RERE: variants seen among roughly 807,000 people sequenced by gnomAD.
RERE encodes the protein arginine-glutamic acid dipeptide repeats.
A neutral mutation model predicts 146.1 loss-of-function variants in RERE; 40 were observed. The ratio of observed to expected loss-of-function variants is 0.27; its 90% CI spans 0.21 to 0.36. The LOEUF (loss-of-function observed/expected upper bound fraction) is 0.36. Among genes scored for constraint, RERE ranks in the 10% least tolerant of loss-of-function variants. The probability of loss-of-function intolerance (pLI) is 1.00; values close to 1 mark genes in which losing one functional copy is unlikely to be tolerated. For synonymous variants in RERE, 1,003 were observed against 866.0 expected, an observed-to-expected ratio of 1.16 and a Z score of -2.78; for missense variants, 1,933 against 2,138.7, an observed-to-expected ratio of 0.90 and a Z score of 1.90.
At chr1:8,635,613 G>A (rs1305106743) in intron 2 of RERE, among the ~76,000 whole-genome samples, 5 of 152,082 alleles carry the variant, frequency 3.3e-5, no homozygotes, top group African/African-American at 9.7e-5. Flanking sequence ...GAAAAATTAC[G>A]TTTTGAACAT....
intron 1 of RERE, among the ~76,000 whole-genome samples, chr1:8,713,652 T>G (rs1200676931): frequency 6.6e-6 from 1 of 152,038 alleles, no homozygotes; most frequent in Non-Finnish European, 1.5e-5. Flanking sequence ...AAGAACCACT[T>G]GAACCCGGGA....
At chr1:8,563,697 A>C (rs976535637) in intron 4 of RERE, among the ~76,000 whole-genome samples, 1 of 152,216 alleles carries the variant, frequency 6.6e-6, no homozygotes, top group Non-Finnish European at 1.5e-5. Flanking sequence ...GGGGCTCTTG[A>C]TTCAGAACCA....
chr1:8,622,505 A>AC (rs1646928499), intron 3 of RERE, among the ~76,000 whole-genome samples: 2 of 137,932 alleles, frequency 1.4e-5, no homozygotes, highest in South Asian at 2.3e-4. Context: ...AAAAAAAAAA[A>AC]AAAAAACACA....
intron 11 of RERE, among the ~76,000 whole-genome samples, chr1:8,431,357 C>CT (rs1441256593): frequency 6.6e-6 from 1 of 152,210 alleles, no homozygotes; most frequent in African/African-American, 2.4e-5. Flanking sequence ...TTGCGTGCTT[C>CT]TTTTGAGAAT....
At position 8,423,618 on chromosome 1, in the gene RERE, C is replaced by T. The variant is rs1643949527; in HGVS notation, c.1204-811G>A. 2.0e-6 allele frequency: 2 copies of T among 985,180 alleles called. No individual in the cohort carries two copies. The highest frequency in any genetic ancestry group is 2.4e-6 in the Non-Finnish European group (2 of 829,870). 61.0% of individuals were successfully genotyped at this position (985,180 alleles called of 1,614,324 possible). ...ACCCCAGCAGCCACAGGTAAGCGCC[C>T]GGGGTCCGGGGCGGCAAGAGGCCGT... is the stretch of plus-strand genomic sequence containing the variant. On this transcript the variant is annotated intron_variant, in intron 11 of 22. Transcript: ENST00000400908. This position sits in a 1 kb window ranked among gnomAD's most constrained non-coding sequence, Gnocchi z 5.4.
At chr1:8,697,261 A>C (rs1283110653) in intron 1 of RERE, among the ~76,000 whole-genome samples, 1 of 152,240 alleles carries the variant, frequency 6.6e-6, no homozygotes, top group Admixed American at 6.5e-5. Context: ...TAACAGTAAG[A>C]AATAAACAGC....
At chr1:8,779,067 G>A (rs1266639260) in intron 1 of RERE, among the ~76,000 whole-genome samples, 4 of 150,650 alleles carry the variant, frequency 2.7e-5, no homozygotes, top group East Asian at 4.1e-4. Flanking sequence ...GGCTGGTCTC[G>A]AACTCCTGAC....
At chr1:8,707,814 G>A (rs942789985) in intron 1 of RERE, among the ~76,000 whole-genome samples, 1 of 152,158 alleles carries the variant, frequency 6.6e-6, no homozygotes, top group Non-Finnish European at 1.5e-5. Flanking sequence ...TTGTAACACA[G>A]TACTCCACTT....
intron 1 of RERE, among the ~76,000 whole-genome samples, chr1:8,681,709 T>C (rs1402073624): frequency 6.6e-6 from 1 of 152,152 alleles, no homozygotes; most frequent in Non-Finnish European, 1.5e-5. Flanking sequence ...TTATCTATAA[T>C]ACTAGAGATC....
intron 1 of RERE, among the ~76,000 whole-genome samples, chr1:8,727,837 A>G (rs1433204345): frequency 6.6e-6 from 1 of 152,242 alleles, no homozygotes; most frequent in African/African-American, 2.4e-5. Context: ...CCCAAAGGAC[A>G]GGAATGCACC....
At chr1:8,701,463 C>T (rs1361800438) in intron 1 of RERE, among the ~76,000 whole-genome samples, 1 of 152,156 alleles carries the variant, frequency 6.6e-6, no homozygotes, top group African/African-American at 2.4e-5. Context: ...TGCCTCAATT[C>T]ATAAATGCAA....
At chr1:8,774,757 G>A (rs1268371524) in intron 1 of RERE, among the ~76,000 whole-genome samples, 1 of 151,928 alleles carries the variant, frequency 6.6e-6, no homozygotes, top group East Asian at 1.9e-4. Context: ...ATAAAACCAT[G>A]TTTATCTAAT....
intron 4 of RERE, among the ~76,000 whole-genome samples, chr1:8,565,984 A>G (rs1163125763): frequency 3.3e-5 from 5 of 152,158 alleles, no homozygotes; most frequent in African/African-American, 1.2e-4. Context: ...TAATTACACC[A>G]TCCTATACAC....
chr1:8,434,329 G>A (rs1230708862), intron 11 of RERE, among the ~76,000 whole-genome samples: 7 of 152,118 alleles, frequency 4.6e-5, no homozygotes, highest in Admixed American at 2.0e-4. Context: ...CTGCGCTATC[G>A]GTGGAATCAG....
intron 4 of RERE, among the ~76,000 whole-genome samples, chr1:8,571,708 CA>C (rs1418009641): frequency 3.3e-5 from 5 of 152,326 alleles, no homozygotes; most frequent in Admixed American, 2.6e-4. Flanking sequence ...GTTCCATCTA[CA>C]AACATTTTTC....
chr1:8,733,913 C>G (rs1272992336), intron 1 of RERE, among the ~76,000 whole-genome samples: 1 of 152,186 alleles, frequency 6.6e-6, no homozygotes, highest in African/African-American at 2.4e-5. Flanking sequence ...ACCAGCCTGG[C>G]CAACAGGGTG....
At chr1:8,769,131 C>T (rs1209111667) in intron 1 of RERE, among the ~76,000 whole-genome samples, 1 of 152,126 alleles carries the variant, frequency 6.6e-6, no homozygotes, top group Non-Finnish European at 1.5e-5. Flanking sequence ...TACTACCTCA[C>T]ATAGTAAATC....
chr1:8,745,549 A>G (rs1049685894), intron 1 of RERE, among the ~76,000 whole-genome samples: 1 of 152,138 alleles, frequency 6.6e-6, no homozygotes, highest in Non-Finnish European at 1.5e-5. Context: ...AGCTGTCATG[A>G]TCGCCTGGCT....
chr1:8,529,800 C>A (rs2124363316), intron 7 of RERE, among the ~76,000 whole-genome samples: 1 of 152,298 alleles, frequency 6.6e-6, no homozygotes, highest in African/African-American at 2.4e-5. Flanking sequence ...AGTCTTGAAA[C>A]CGAGCAGTTC....
Sources: allele counts gnomAD v4.1 joint callset (sites outside exome capture counted in the v4.1 genomes callset), GRCh38; gene constraint gnomAD v4.1.1; non-coding constraint Gnocchi (gnomAD v3.1); transcripts MANE v1.5; gene names NCBI Gene and HGNC (gene_info 2026-07-23, HGNC 2026-07-21).